The following CDKL4 variants were observed in gnomAD, a reference collection of about 807,000 sequenced individuals.
CDKL4 encodes cyclin-dependent kinase-like 4.
Under a neutral mutation model 42.0 loss-of-function variants are expected in CDKL4, and 44 were observed. That is an observed-to-expected ratio of 1.05 (90% confidence interval 0.82 to 1.35). The LOEUF is 1.35. Among genes scored for constraint, CDKL4 ranks in the 40% most tolerant of loss-of-function variants. The pLI is 0.00. For missense variants in CDKL4, 393 were observed against 369.9 expected (o/e 1.06, Z -0.51); for synonymous variants, 120 against 121.6 (o/e 0.99, Z 0.09).
chr2:39,206,911 T>C (rs972954515), intron 4 of CDKL4, among the ~76,000 whole-genome samples: 4 of 152,182 alleles, frequency 2.6e-5, no homozygotes, highest in Non-Finnish European at 4.4e-5. Flanking sequence ...AATAGCTATC[T>C]AGGAAGAGAA....
At chr2:39,192,122 G>C (rs536477956) in intron 5 of CDKL4, among the ~76,000 whole-genome samples, 3 of 152,162 alleles carry the variant, frequency 2.0e-5, no homozygotes, top group Non-Finnish European at 4.4e-5. Context: ...GGAAATTGGA[G>C]AATGAGAAGG....
At chr2:39,178,227 C>G (rs1675250305) in intron 9 of CDKL4, among the ~76,000 whole-genome samples, 1 of 152,152 alleles carries the variant, frequency 6.6e-6, no homozygotes, top group Admixed American at 6.5e-5. Context: ...TTTGATTTTT[C>G]TCTCCCAACA....
chr2:39,220,066 T>A (rs1678208800), intron 3 of CDKL4, among the ~76,000 whole-genome samples: 1 of 152,094 alleles, frequency 6.6e-6, no homozygotes, highest in African/African-American at 2.4e-5. Context: ...CCCTGCAGGG[T>A]GCTCAATGAC....
intron 5 of CDKL4, among the ~76,000 whole-genome samples, chr2:39,202,532 T>C (rs1268125538): frequency 6.6e-6 from 1 of 152,240 alleles, no homozygotes; most frequent in Non-Finnish European, 1.5e-5. Context: ...TTTTTAATTT[T>C]AATGAAGTCC....
At chr2:39,206,423 G>C (rs1548170) in intron 4 of CDKL4, among the ~76,000 whole-genome samples, 134,293 of 152,196 alleles carry the variant, frequency 0.88, 59,594 homozygotes, top group Non-Finnish European at 0.94. Flanking sequence ...AACTTGCTGC[G>C]TCATCATAAT....
chr2:39,213,360 C>G (rs1342912707), intron 4 of CDKL4, 40 bp downstream of exon 4: 7 of 1,255,910 alleles, frequency 5.6e-6, no homozygotes, highest in East Asian at 2.3e-5. Context: ...AAAGAGTCAT[C>G]ATGAAGAAAT....
intron 4 of CDKL4, among the ~76,000 whole-genome samples, chr2:39,209,591 T>G (rs1052930853): frequency 6.6e-6 from 1 of 152,174 alleles, no homozygotes; most frequent in African/African-American, 2.4e-5. Flanking sequence ...GGACCTCAGA[T>G]TCAACATTTC....
At chr2:39,230,514 A>G (rs1679034807) in intron 1 of CDKL4, among the ~76,000 whole-genome samples, 1 of 152,254 alleles carries the variant, frequency 6.6e-6, no homozygotes. Context: ...CTATGGAAAT[A>G]CTGGGTTTTT....
chr2:39,230,210 T>C (rs544663462), intron 1 of CDKL4, among the ~76,000 whole-genome samples: 1 of 152,282 alleles, frequency 6.6e-6, no homozygotes, highest in East Asian at 1.9e-4. Flanking sequence ...AGAAATCCCA[T>C]CTCTACTAAA....
intron 3 of CDKL4, among the ~76,000 whole-genome samples, chr2:39,219,147 G>A (rs987563119): frequency 1.3e-5 from 2 of 152,182 alleles, no homozygotes; most frequent in Non-Finnish European, 2.9e-5. Context: ...AATTAAGCTT[G>A]TTTCTCTGGC....
chr2:39,232,465 G>A (rs368612394), intron 1 of CDKL4, among the ~76,000 whole-genome samples: 11 of 152,264 alleles, frequency 7.2e-5, no homozygotes, highest in East Asian at 3.9e-4. Context: ...TGAATGGACA[G>A]AATCATCTAA....
rs553984886 is a variant in CDKL4, at chr2:39,223,904, T to G, written c.290+1935A>C. Reference sequence around the variant, plus strand: ...TGAGCCACTGCACCCAGCCTCCTTCTCTTTTTTAATGATTTGCTTCCCATG... The same window carrying G: ...TGAGCCACTGCACCCAGCCTCCTTCGCTTTTTTAATGATTTGCTTCCCATG... On this transcript the variant is annotated intron_variant, in intron 3 of 9. Coordinates refer to ENST00000451199, the Ensembl canonical transcript of CDKL4. Among the ~76,000 whole-genome samples, 445 of 152,224 alleles carry G rather than the reference T, an allele frequency of 2.9e-3. 2 individuals carry two copies. The highest frequency in any genetic ancestry group is 0.012 in the South Asian group (60 of 4,822).
intron 3 of CDKL4, 118 bp downstream of exon 3, chr2:39,225,721 A>T: frequency 2.1e-6 from 2 of 940,608 alleles, no homozygotes; most frequent in Non-Finnish European, 3.1e-6. Flanking sequence ...TGGGGTAGCC[A>T]GATGCATTGT....
At chr2:39,170,237 A>C in the CDKL4 span, among the ~76,000 whole-genome samples, 1 of 150,498 alleles carries the variant, frequency 6.6e-6, no homozygotes, top group Non-Finnish European at 1.5e-5. Flanking sequence ...GTATAAAACA[A>C]ACAACACTCC....
intron 3 of CDKL4, among the ~76,000 whole-genome samples, chr2:39,224,498 A>AT (rs1171458286): frequency 0.046 from 6,075 of 132,604 alleles, 374 homozygotes; most frequent in African/African-American, 0.13. Context: ...TTCTCCACTA[A>AT]TTTTTTTTTT....
chr2:39,244,349 T>C (rs530855589), upstream of CDKL4, among the ~76,000 whole-genome samples: 1 of 152,284 alleles, frequency 6.6e-6, no homozygotes, highest in African/African-American at 2.4e-5. Flanking sequence ...GGCGTGGGCT[T>C]GGCGGGCCCC....
At chr2:39,223,643 C>T (rs1042556300) in intron 3 of CDKL4, among the ~76,000 whole-genome samples, 19 of 136,286 alleles carry the variant, frequency 1.4e-4, no homozygotes, top group Non-Finnish European at 2.9e-4. Context: ...GATGGGGTCT[C>T]ACTCTGTTAC....
chr2:39,223,618 A>G (rs946990222), intron 3 of CDKL4, among the ~76,000 whole-genome samples: 1 of 146,154 alleles, frequency 6.8e-6, no homozygotes, highest in Non-Finnish European at 1.5e-5. Context: ...TCTTCAAAAA[A>G]AAAAAAAAAA....
At chr2:39,172,602 G>A (rs1675032407), downstream of CDKL4, among the ~76,000 whole-genome samples, 2 of 152,054 alleles carry the variant, frequency 1.3e-5, no homozygotes, top group African/African-American at 4.8e-5. Flanking sequence ...TTTTTTTTGA[G>A]ACGGAGTCTT....
Sources: gnomAD v4.1 joint callset for allele counts (sites outside exome capture counted in the v4.1 genomes callset) on GRCh38, gnomAD v4.1.1 for gene constraint, MANE v1.5 for transcripts, NCBI Gene and HGNC (gene_info 2026-07-23, HGNC 2026-07-21) for gene names.